The following NDUFV3 variants were observed in gnomAD, a reference collection of about 807,000 sequenced individuals.
NDUFV3 encodes the protein NADH:ubiquinone oxidoreductase subunit V3.
In NDUFV3, 44 loss-of-function variants were observed where a neutral mutation model predicts 37.5. The observed-to-expected ratio is 1.17, with a 90% CI of 0.92 to 1.51. NDUFV3 has a LOEUF of 1.51. NDUFV3 is among the 40% of genes most tolerant of loss of function. NDUFV3 has a pLI of 0.00. For missense variants in NDUFV3, 580 were observed against 580.4 expected (o/e 1.00, Z 0.01); for synonymous variants, 235 against 239.3 (o/e 0.98, Z 0.17).
chr21:42,894,283 A>G (rs1210033987), intron 1 of NDUFV3, among the ~76,000 whole-genome samples: 1 of 118,474 alleles, frequency 8.4e-6, no homozygotes, highest in Non-Finnish European at 1.7e-5. Context: ...AGCAGTAACT[A>G]TTCCCTGCAG....
intron 1 of NDUFV3, among the ~76,000 whole-genome samples, chr21:42,895,876 A>G (rs1025923169): frequency 1.3e-5 from 2 of 152,056 alleles, no homozygotes; most frequent in African/African-American, 4.8e-5. Flanking sequence ...TGTAATAACC[A>G]TTAGAAGTAT....
chr21:42,904,180 G>A lies in NDUFV3; in HGVS notation c.1168G>A (p.Gly390Ser), dbSNP rs770941657. The A allele has an allele frequency of 1.3e-5, 21 of 1,614,070 alleles. No individual in the cohort carries two copies. The highest frequency in any genetic ancestry group is 1.0e-4 in the Admixed American group (6 of 59,996). The change falls in exon 3 of 4, where the codon GGT (glycine) becomes AGT (serine). Residue 390 changes from glycine (G) to serine (S), a missense_variant. Transcript: ENST00000354250. Reference protein sequence around the residue: ...LETVPVENNHGFHEKTAALKL... With the variant: ...LETVPVENNHSFHEKTAALKL... ...GACAGTTCCTGTTGAGAATAACCAC[G>A]GTTTCCATGAAAAGACAGCAGCGCT... is the stretch of plus-strand genomic sequence containing the variant.
intron 1 of NDUFV3, among the ~76,000 whole-genome samples, chr21:42,894,587 C>G (rs1476501286): frequency 7.9e-6 from 1 of 126,426 alleles, no homozygotes; most frequent in African/African-American, 3.1e-5. Flanking sequence ...GAGCCTCACT[C>G]TGTTGCCCAG....
rs1480043486 is a variant in NDUFV3, at chr21:42,893,384, A to G, written c.48+3A>G. The G allele has an allele frequency of 5.9e-6, 9 of 1,536,906 alleles. No homozygotes were observed. Among genetic ancestry groups the G allele is most frequent in the African/African-American group, 1.4e-5 (1 of 72,944 alleles). On this transcript the variant is annotated splice_donor_region_variant and intron_variant, in intron 1 of 3. Transcript: ENST00000354250. ...AAGGACGAGCCGGGGCGCTGAAGGT[A>G]AAGGAGGAGCCAGCCTGGGCTGGCT...
In NDUFV3 at chr21:42,897,005, A is replaced by C; in HGVS notation, c.127A>C (p.Lys43Gln). 6.2e-7 allele frequency: 1 copy of C among 1,614,120 alleles called. No individual in the cohort carries two copies. The highest frequency in any genetic ancestry group is 8.5e-7 in the Non-Finnish European group (1 of 1,180,022). Residue 43 changes from lysine to glutamine, a missense_variant, in exon 2 of 4, where the codon AAG (lysine) becomes CAG (glutamine). By Grantham distance (53) the Lys-to-Gln change is moderately conservative (BLOSUM62 1). Coordinates refer to ENST00000354250, the MANE Select transcript of NDUFV3 (RefSeq NM_021075.4). ...GTCTGCGGAATCAGGGAAGAGTGAA[A>C]AGGGTCAGCCACAGAATTCCAAGAA... ...SLSAESGKSE[K>Q]GQPQNSKKQS...
intron 1 of NDUFV3, among the ~76,000 whole-genome samples, 167 bp downstream of exon 1, chr21:42,893,548 A>G (rs1321488704): frequency 4.6e-5 from 7 of 152,174 alleles, no homozygotes; most frequent in Admixed American, 4.6e-4. Flanking sequence ...CCACGGGGCC[A>G]GGCCCGGATG....
chr21:42,894,587 C>CTGTT (rs2058682974), intron 1 of NDUFV3, among the ~76,000 whole-genome samples: 1 of 126,426 alleles, frequency 7.9e-6, no homozygotes, highest in African/African-American at 3.1e-5. Flanking sequence ...GAGCCTCACT[C>CTGTT]TGTTGCCCAG....
chr21:42,900,512 A>C (rs920420419), intron 2 of NDUFV3, among the ~76,000 whole-genome samples: 1 of 152,212 alleles, frequency 6.6e-6, no homozygotes, highest in Non-Finnish European at 1.5e-5. Flanking sequence ...CAAAACAAAC[A>C]AACAAAAAAT....
intron 2 of NDUFV3, among the ~76,000 whole-genome samples, chr21:42,902,323 C>G (rs1280487766): frequency 1.3e-5 from 2 of 152,108 alleles, no homozygotes; most frequent in Non-Finnish European, 2.9e-5. Context: ...TAACTTTATT[C>G]TCTAATGTAA....
In NDUFV3 at chr21:42,894,402, TTATATAA is replaced by T. The variant is rs1568854017; in HGVS notation, c.48+1034_48+1040del. 2.4e-4 allele frequency among the ~76,000 whole-genome samples: 4 copies of T among 16,340 alleles called. 1 individual carries two copies. The highest frequency in any genetic ancestry group is 5.6e-4 in the East Asian group (1 of 1,790). The allele number at this position is 16,340 out of a possible 152,430, so 10.7% of individuals were successfully genotyped here. On this transcript the variant is annotated intron_variant, in intron 1 of 3. Coordinates refer to ENST00000354250, the MANE Select transcript of NDUFV3 (RefSeq NM_021075.4). ...TAATATGTAAATATATATTATATAT[TTATATAA>T]TATATAATATATTATATAAATATAT...
At chr21:42,902,795 T>C (rs988873620) in intron 2 of NDUFV3, among the ~76,000 whole-genome samples, 1 of 152,176 alleles carries the variant, frequency 6.6e-6, no homozygotes, top group African/African-American at 2.4e-5. Flanking sequence ...CCCACCAGGA[T>C]TCCAAAATGT....
Position 42,897,041 on chromosome 21 carries a change from C to A in NDUFV3, c.163C>A (p.Pro55Thr). The A allele has an allele frequency of 6.8e-6, 11 of 1,613,692 alleles. No homozygotes were observed. The South Asian group carries it at 1.2e-4, about 18-fold the overall frequency. ...QPQNSKKQSP[P>T]KNVVEPKERG... is the part of the protein sequence containing the mutation. ...ACAGAATTCCAAGAAGCAAAGTCCA[C>A]CAAAAAGTAAGATTTTGATGGTAGT... The change falls in exon 2 of 4, where the codon CCA becomes ACA. Residue 55 changes from proline to threonine, a missense_variant. By Grantham distance (38) the Pro-to-Thr change is conservative. Coordinates refer to ENST00000354250, the MANE Select transcript of NDUFV3 (RefSeq NM_021075.4).
chr21:42,905,264 C>G (rs2058736339), intron 3 of NDUFV3, among the ~76,000 whole-genome samples: 1 of 152,198 alleles, frequency 6.6e-6, no homozygotes, highest in Admixed American at 6.5e-5. Flanking sequence ...TCCGGTTTAA[C>G]TTGCATAGGT....
chr21:42,895,997 TTTTC>T, intron 1 of NDUFV3, among the ~76,000 whole-genome samples: 1 of 149,264 alleles, frequency 6.7e-6, no homozygotes, highest in Admixed American at 6.7e-5. Flanking sequence ...TTTTTTTTTT[TTTTC>T]CTGAGACAGT....
Position 42,903,886 on chromosome 21 carries a change from C to T in NDUFV3, c.874C>T (p.Pro292Ser), listed in dbSNP as rs770522289. The T allele has an allele frequency of 1.9e-6, 3 of 1,612,148 alleles. No homozygotes were observed. The highest frequency in any genetic ancestry group is 2.5e-6 in the Non-Finnish European group (3 of 1,179,366). ...GCCATTTGAAGTTAAAGGACCCTTA[C>T]CTGTCCACACAAAATCAGGGTTGTC... is the stretch of plus-strand genomic sequence containing the variant. Reference protein sequence around the residue: ...QKPFEVKGPLPVHTKSGLSAP... With the variant: ...QKPFEVKGPLSVHTKSGLSAP... The change falls in exon 3 of 4, where the codon CCT (proline) becomes TCT (serine). Residue 292 changes from proline to serine, a missense_variant. Transcript: ENST00000354250.
chr21:42,897,412 T>A (rs1468146104), intron 2 of NDUFV3, among the ~76,000 whole-genome samples: 1 of 54,698 alleles, frequency 1.8e-5, no homozygotes, highest in Non-Finnish European at 5.1e-5. Flanking sequence ...AGTTGTTTGT[T>A]TTGTTTTGTT....
At chr21:42,902,981 A>G (rs890456499) in intron 2 of NDUFV3, among the ~76,000 whole-genome samples, 1 of 152,194 alleles carries the variant, frequency 6.6e-6, no homozygotes, top group African/African-American at 2.4e-5. Flanking sequence ...AAGTTTGTTC[A>G]TGTTCAGTAC....
rs1404432406 is a variant in NDUFV3 at position 42,910,714 on chromosome 21, G to T, written c.*1693G>T. 1.7e-5 allele frequency: 1 copy of T among 57,974 alleles called. No individual in the cohort carries two copies. Among genetic ancestry groups the T allele is most frequent in the Non-Finnish European group, 3.8e-5 (1 of 26,044 alleles). 3.6% of individuals were successfully genotyped at this position (57,974 alleles called of 1,614,324 possible). A position where few individuals can be genotyped will look rare whatever the true frequency, so the allele number is the denominator to read the frequency against. ...GTGCAGGGACGGAGTAGGAAGAGGT[G>T]AAGTTTTGTGCGGTGCAGGGACGAA... On this transcript the variant is annotated 3_prime_UTR_variant, in exon 4 of 4. Coordinates refer to ENST00000354250, the MANE Select transcript of NDUFV3 (RefSeq NM_021075.4).
At chr21:42,906,377 G>A (rs1406618898) in intron 3 of NDUFV3, among the ~76,000 whole-genome samples, 3 of 151,942 alleles carry the variant, frequency 2.0e-5, no homozygotes, top group African/African-American at 7.3e-5. Context: ...CTTACATGAC[G>A]CCTTCTTGTT....
Sources: gnomAD v4.1 joint callset for allele counts (sites outside exome capture counted in the v4.1 genomes callset) on GRCh38, gnomAD v4.1.1 for gene constraint, MANE v1.5 for transcripts, NCBI Gene and HGNC (gene_info 2026-07-23, HGNC 2026-07-21) for gene names.